DNAJC27: variants seen among roughly 807,000 people sequenced by gnomAD.
The protein encoded by DNAJC27 is dnaJ homolog subfamily C member 27.
Under a neutral mutation model 31.4 loss-of-function variants are expected in DNAJC27, and 25 were observed. That is an observed-to-expected ratio of 0.80 (90% CI 0.58 to 1.11). The LOEUF is 1.11. Ranked by LOEUF, DNAJC27 falls within the 50% of genes most tolerant of loss-of-function variation. The pLI is 0.00. For synonymous variants in DNAJC27, 106 were observed against 112.7 expected, an observed-to-expected ratio of 0.94 and a Z score of 0.37; for missense variants, 356 against 347.3, an observed-to-expected ratio of 1.02 and a Z score of -0.20.
At chr2:24,969,238 A>G (rs1004973427) in intron 1 of DNAJC27, 14 of 194,934 alleles carry the variant, frequency 7.2e-5, no homozygotes, top group Non-Finnish European at 1.4e-4. Flanking sequence ...CAAACTTGAA[A>G]AGGGAATCAT....
At chr2:24,968,510 A>ATTTAT (rs530498317) in intron 1 of DNAJC27, among the ~76,000 whole-genome samples, 1 of 150,810 alleles carries the variant, frequency 6.6e-6, no homozygotes, top group African/African-American at 2.4e-5. Context: ...TTATTTATTT[A>ATTTAT]TTATTATTAT....
At chr2:24,952,196 T>C (rs1232092774) in intron 5 of DNAJC27, among the ~76,000 whole-genome samples, 5 of 152,080 alleles carry the variant, frequency 3.3e-5, no homozygotes, top group African/African-American at 1.2e-4. Context: ...AAGTGTAAAA[T>C]GAAAACTGTG....
intron 2 of DNAJC27, among the ~76,000 whole-genome samples, chr2:24,967,010 G>A (rs1666201226): frequency 6.6e-6 from 1 of 152,204 alleles, no homozygotes; most frequent in Admixed American, 6.5e-5. Flanking sequence ...AATGGGATGT[G>A]CTCAATACCA....
At chr2:24,959,324 G>T (rs10432684) in intron 3 of DNAJC27, among the ~76,000 whole-genome samples, 137,503 of 152,226 alleles carry the variant, frequency 0.9, 62,302 homozygotes, top group African/African-American at 0.97. Context: ...TCTTCCTTTC[G>T]TTTTGAATCC....
chr2:24,959,160 G>A (rs1434571479), intron 3 of DNAJC27, among the ~76,000 whole-genome samples: 2 of 152,076 alleles, frequency 1.3e-5, no homozygotes, highest in Non-Finnish European at 2.9e-5. Context: ...AGCAGTTAAC[G>A]ACGGGCTCTC....
At chr2:24,956,553 G>A (rs763333323) in intron 5 of DNAJC27, among the ~76,000 whole-genome samples, 42 of 152,202 alleles carry the variant, frequency 2.8e-4, no homozygotes, top group Non-Finnish European at 3.8e-4. Flanking sequence ...TTATACTAGC[G>A]GTGGCAAGGC....
At position 24,957,917 on chromosome 2, in the gene DNAJC27, G is replaced by A. The variant is rs148479643; in HGVS notation, c.298C>T (p.Gln100Ter). The change falls in exon 4 of 7, where the codon CAG becomes TAG. Residue 100 changes from glutamine (Q) to a stop codon, truncating the protein, a stop_gained. Transcript: ENST00000264711. LOFTEE classifies it high-confidence loss of function. Reference sequence around the variant, plus strand: ...TCAAGGGCGTCAAAGGAGTCTTTCTGCCCAACATCATAGACCAGTATCACA... The same window carrying A: ...TCAAGGGCGTCAAAGGAGTCTTTCTACCCAACATCATAGACCAGTATCACA... ...QGVILVYDVG[Q>*]KDSFDALDAW... 105 of 1,613,998 alleles carry A rather than the reference G, an allele frequency of 6.5e-5. No individual in the cohort carries two copies. The highest frequency in any genetic ancestry group is 8.8e-5 in the Non-Finnish European group (104 of 1,180,018).
intron 4 of DNAJC27, 109 bp from the exon 5 acceptor site, chr2:24,957,274 T>C: frequency 8.0e-7 from 1 of 1,243,426 alleles, no homozygotes; most frequent in South Asian, 1.7e-5. Context: ...CTATTCTTAG[T>C]AAATGCCTGC....
At chr2:24,969,476 G>T in intron 1 of DNAJC27, 1 of 179,316 alleles carries the variant, frequency 5.6e-6, no homozygotes, top group Non-Finnish European at 1.2e-5. Context: ...TCATCACAGT[G>T]AAAAAAAATT....
At chr2:24,957,481 T>C (rs576928934) in intron 4 of DNAJC27, among the ~76,000 whole-genome samples, 1 of 152,226 alleles carries the variant, frequency 6.6e-6, no homozygotes, top group Admixed American at 6.5e-5. Context: ...ATAGTCTGCT[T>C]TTCACACCTT....
In DNAJC27 at chr2:24,947,302, T is replaced by C. The variant is rs1328273284; in HGVS notation, c.*314A>G. ...TCCTCTCTTCCCTCCTCCAGGAACCTTGTGGATTTCCCCAAGTGAAATGTC... is the reference window on the plus strand; with the variant it reads ...TCCTCTCTTCCCTCCTCCAGGAACCCTGTGGATTTCCCCAAGTGAAATGTC... On this transcript the variant is annotated 3_prime_UTR_variant, in exon 7 of 7. Coordinates refer to ENST00000264711, the MANE Select transcript of DNAJC27 (RefSeq NM_016544.3). The C allele has an allele frequency of 9.5e-6, 2 of 210,762 alleles. No individual in the cohort carries two copies. The highest frequency in any genetic ancestry group is 1.9e-5 in the Non-Finnish European group (2 of 106,790). The allele number at this position is 210,762 out of a possible 1,614,324, so 13.1% of individuals were successfully genotyped here.
rs966329941 is a variant in DNAJC27, at chr2:24,946,357, G to C, written c.*1259C>G. ...TCAACCAGATTCAGGCCAAGGCTTA[G>C]AAGAGGGAGGAGGCAGTGGCCAGAA... is the stretch of plus-strand genomic sequence containing the variant. On this transcript the variant is annotated 3_prime_UTR_variant, in exon 7 of 7. Transcript: ENST00000264711. 5 of 152,314 alleles carry C rather than the reference G, an allele frequency of 3.3e-5. No individual in the cohort carries two copies. The highest frequency in any genetic ancestry group is 3.3e-4 in the Admixed American group (5 of 15,278). 9.4% of individuals were successfully genotyped at this position (152,314 alleles called of 1,614,324 possible).
intron 6 of DNAJC27, among the ~76,000 whole-genome samples, chr2:24,949,176 GT>G (rs1423628694): frequency 6.6e-6 from 1 of 152,180 alleles, no homozygotes; most frequent in Non-Finnish European, 1.5e-5. Flanking sequence ...CCTGCGTGTT[GT>G]TTTTCTACAT....
chr2:24,952,803 T>C (rs951919045), intron 5 of DNAJC27, among the ~76,000 whole-genome samples: 2 of 152,264 alleles, frequency 1.3e-5, no homozygotes, highest in Non-Finnish European at 2.9e-5. Flanking sequence ...TAATCTGATA[T>C]ATATCTAATA....
At position 24,946,547 on chromosome 2, in the gene DNAJC27, C is replaced by G. The variant is rs1573105215; in HGVS notation, c.*1069G>C. The G allele has an allele frequency of 6.6e-6, 1 of 152,292 alleles. No individual in the cohort carries two copies. The highest frequency in any genetic ancestry group is 1.9e-4 in the East Asian group (1 of 5,206). The allele number at this position is 152,292 out of a possible 1,614,324, so 9.4% of individuals were successfully genotyped here. A position where few individuals can be genotyped will look rare whatever the true frequency, so the allele number is the denominator to read the frequency against. The stretch of plus-strand genomic sequence containing the variant: ...CCCTGCCTTTCTCACCTGCCTGTGG[C>G]AAAGGCTGGCAGTAAGACAAGGGCT... On this transcript the variant is annotated 3_prime_UTR_variant, in exon 7 of 7. Transcript: ENST00000264711.
intron 2 of DNAJC27, among the ~76,000 whole-genome samples, chr2:24,964,238 G>A (rs1257933073): frequency 5.3e-5 from 8 of 151,932 alleles, no homozygotes; most frequent in African/African-American, 1.9e-4. Flanking sequence ...GGCTAACATA[G>A]TGAAACCCCG....
chr2:24,961,337 C>T (rs1415484397), intron 3 of DNAJC27, among the ~76,000 whole-genome samples: 3 of 152,104 alleles, frequency 2.0e-5, no homozygotes, highest in Non-Finnish European at 4.4e-5. Context: ...TCACAATGCA[C>T]CTAATTACCC....
intron 2 of DNAJC27, among the ~76,000 whole-genome samples, chr2:24,966,558 A>C (rs1666187299): frequency 6.6e-6 from 1 of 151,996 alleles, no homozygotes; most frequent in Non-Finnish European, 1.5e-5. Context: ...TCCCGGGTTC[A>C]AGTGATTCTC....
At chr2:24,957,323 C>T (rs1045713152) in intron 4 of DNAJC27, among the ~76,000 whole-genome samples, 158 bp from the exon 5 acceptor site, 6 of 152,130 alleles carry the variant, frequency 3.9e-5, no homozygotes, top group African/African-American at 1.2e-4. Flanking sequence ...GGGACAGAAA[C>T]AAAACTTAAT....
Sources: allele counts gnomAD v4.1 joint callset (sites outside exome capture counted in the v4.1 genomes callset), GRCh38; gene constraint gnomAD v4.1.1; transcripts MANE v1.5; gene names NCBI Gene and HGNC (gene_info 2026-07-23, HGNC 2026-07-21).